Variants in EZH2 observed in about 807,000 individuals in gnomAD.
EZH2 encodes enhancer of zeste 2 polycomb repressive complex 2 subunit.
A neutral mutation model predicts 98.4 loss-of-function variants in EZH2; 18 were observed. The ratio of observed to expected loss-of-function variants is 0.18; its 90% CI spans 0.13 to 0.27. The LOEUF (loss-of-function observed/expected upper bound fraction) is 0.27, where lower values mean the gene tolerates loss of function less well. Ranked by LOEUF, EZH2 falls within the 10% of genes least tolerant of loss-of-function variation. The pLI is 1.00. For missense variants in EZH2, 470 were observed against 935.1 expected (o/e 0.50, Z 6.49); for synonymous variants, 338 against 312.3 (o/e 1.08, Z -0.87).
At chr7:148,833,291 T>C (rs191729945) in intron 3 of EZH2, among the ~76,000 whole-genome samples, 1,841 of 151,774 alleles carry the variant, frequency 0.012, 36 homozygotes, top group African/African-American at 0.042. Flanking sequence ...ACCCCGTCTC[T>C]ACTAAAAATA....
At chr7:148,823,853 G>A (rs981701346) in intron 8 of EZH2, among the ~76,000 whole-genome samples, 4 of 152,042 alleles carry the variant, frequency 2.6e-5, no homozygotes, top group African/African-American at 7.2e-5. Flanking sequence ...CGTAAACCAT[G>A]TGAATGATGA....
intron 1 of EZH2, among the ~76,000 whole-genome samples, chr7:148,863,554 C>T (rs1818009766): frequency 6.6e-6 from 1 of 152,144 alleles, no homozygotes; most frequent in Non-Finnish European, 1.5e-5. Flanking sequence ...CCTAAGACAA[C>T]GCCATCCTAC....
chr7:148,819,096 G>A (rs1474847060), intron 9 of EZH2: 2 of 455,392 alleles, frequency 4.4e-6, no homozygotes, highest in African/African-American at 4.0e-5. Context: ...AAATAAGAGA[G>A]TACCCGTAAA....
At chr7:148,818,420 G>C (rs1805157675) in intron 9 of EZH2, among the ~76,000 whole-genome samples, 1 of 152,052 alleles carries the variant, frequency 6.6e-6, no homozygotes, top group Admixed American at 6.6e-5. Flanking sequence ...AATATAAGAA[G>C]ATAAAGTATG....
At chr7:148,863,172 A>G (rs1472037984) in intron 1 of EZH2, among the ~76,000 whole-genome samples, 2 of 152,084 alleles carry the variant, frequency 1.3e-5, no homozygotes, top group South Asian at 2.1e-4. Context: ...CCCCTTAAAT[A>G]TATCCAGACA....
chr7:148,834,348 TATATAC>T (rs958547170), intron 3 of EZH2, among the ~76,000 whole-genome samples: 7 of 76,320 alleles, frequency 9.2e-5, no homozygotes, highest in African/African-American at 5.8e-4. Flanking sequence ...TATATATATA[TATATAC>T]ACACACACAC....
intron 1 of EZH2, among the ~76,000 whole-genome samples, chr7:148,883,795 C>T (rs1262428463): frequency 1.3e-5 from 2 of 151,676 alleles, no homozygotes; most frequent in African/African-American, 4.8e-5. Context: ...ACAAAGGAGA[C>T]TTGAGGCTCG....
intron 1 of EZH2, among the ~76,000 whole-genome samples, chr7:148,877,021 A>G (rs1820265976): frequency 6.6e-6 from 1 of 152,154 alleles, no homozygotes; most frequent in Non-Finnish European, 1.5e-5. Context: ...AATGACTTAG[A>G]AGAGTACCAA....
intron 1 of EZH2, among the ~76,000 whole-genome samples, chr7:148,881,972 G>GCGCA (rs1491495610): frequency 1.1e-4 from 14 of 131,850 alleles, no homozygotes; most frequent in East Asian, 7.5e-4. Context: ...ACACGCGCGC[G>GCGCA]CACACACACA....
chr7:148,833,727 T>C (rs1391047437), intron 3 of EZH2, among the ~76,000 whole-genome samples: 1 of 152,214 alleles, frequency 6.6e-6, no homozygotes, highest in Non-Finnish European at 1.5e-5. Flanking sequence ...ACATGTCTTC[T>C]ATTTAATCCT....
chr7:148,828,155 T>C (rs1401590903), intron 6 of EZH2, among the ~76,000 whole-genome samples: 2 of 152,146 alleles, frequency 1.3e-5, no homozygotes, highest in African/African-American at 4.8e-5. Context: ...ATCCATCTCA[T>C]GAAGCCATTA....
At chr7:148,836,799 CCT>C (rs1423915247) in intron 3 of EZH2, 1 of 488,002 alleles carries the variant, frequency 2.0e-6, no homozygotes, top group Admixed American at 2.3e-5. Flanking sequence ...TAACCAGGTT[CCT>C]CTGAGGATGG....
intron 3 of EZH2, among the ~76,000 whole-genome samples, chr7:148,839,397 G>A (rs1811829238): frequency 6.6e-6 from 1 of 151,850 alleles, no homozygotes; most frequent in African/African-American, 2.4e-5. Flanking sequence ...AATGAAAACA[G>A]AGAACTAAAG....
chr7:148,824,617 A>G (rs1053613011), intron 8 of EZH2, among the ~76,000 whole-genome samples: 1 of 151,986 alleles, frequency 6.6e-6, no homozygotes, highest in Non-Finnish European at 1.5e-5. Flanking sequence ...ATCACCTAAC[A>G]ACACATTTCT....
chr7:148,808,094 T>G (rs922342816), intron 19 of EZH2, among the ~76,000 whole-genome samples: 1 of 152,058 alleles, frequency 6.6e-6, no homozygotes, highest in African/African-American at 2.4e-5. Context: ...ATGATGACCA[T>G]AGCAAAGAGG....
intron 8 of EZH2, among the ~76,000 whole-genome samples, chr7:148,821,306 A>G (rs764792207): frequency 3.9e-5 from 6 of 152,204 alleles, no homozygotes; most frequent in Non-Finnish European, 7.3e-5. Flanking sequence ...AAAGCCCAAC[A>G]GCAGCAGCAA....
At position 148,853,634 on chromosome 7, in the gene EZH2, A is replaced by G. The variant is rs1486293684; in HGVS notation, c.-7-6329T>C. On this transcript the variant is annotated intron_variant, in intron 1 of 19. Transcript: ENST00000320356. ...ACCCCTGCTTTAAAACCATCTCTAG[A>G]TTACTAAATACCTAATACAATGTAA... 2.0e-5 allele frequency among the ~76,000 whole-genome samples: 3 copies of G among 152,330 alleles called. No individual in the cohort carries two copies. The East Asian group carries it at 5.8e-4, about 29-fold the overall frequency.
At chr7:148,866,595 AC>A in intron 1 of EZH2, among the ~76,000 whole-genome samples, 1 of 114,508 alleles carries the variant, frequency 8.7e-6, no homozygotes, top group South Asian at 2.7e-4. Flanking sequence ...TATTGTATAC[AC>A]TATATATTAT....
intron 1 of EZH2, among the ~76,000 whole-genome samples, chr7:148,867,741 C>A (rs1003641740): frequency 5.9e-5 from 9 of 152,192 alleles, no homozygotes; most frequent in Non-Finnish European, 2.9e-5. Context: ...TTCTGCTTCC[C>A]TTTTAAATTT....
Sources: gnomAD v4.1 joint callset for allele counts (sites outside exome capture counted in the v4.1 genomes callset) on GRCh38, gnomAD v4.1.1 for gene constraint, MANE v1.5 for transcripts, NCBI Gene and HGNC (gene_info 2026-07-23, HGNC 2026-07-21) for gene names.